Variants in UMODL1 observed in about 807,000 individuals in gnomAD.
UMODL1 encodes uromodulin like 1, also known as uromodulin-like 1.
In UMODL1, 128 loss-of-function variants were observed where a neutral mutation model predicts 136.3. The ratio of observed to expected loss-of-function variants is 0.94; its 90% CI spans 0.81 to 1.09. UMODL1 has a LOEUF of 1.09. Among genes scored for constraint, UMODL1 ranks in the 50% least tolerant of loss-of-function variants. UMODL1 has a pLI of 0.00. For missense variants in UMODL1, 1,766 were observed against 1,725.6 expected (o/e 1.02, Z -0.41); for synonymous variants, 721 against 720.0 (o/e 1.00, Z -0.02).
chr21:42,095,163 C>T (rs565909962), intron 6 of UMODL1, among the ~76,000 whole-genome samples: 23 of 132,404 alleles, frequency 1.7e-4, no homozygotes, highest in Admixed American at 3.6e-4. Context: ...GGCACAGTCT[C>T]GGCTCACTGC....
At chr21:42,069,591 G>T (rs2066212033), upstream of UMODL1, among the ~76,000 whole-genome samples, 2 of 152,066 alleles carry the variant, frequency 1.3e-5, no homozygotes, top group African/African-American at 4.8e-5. Context: ...TGGCCTTTCT[G>T]AACCTGTTTT....
intron 2 of UMODL1, among the ~76,000 whole-genome samples, chr21:42,081,773 G>A (rs1020823159): frequency 2.0e-5 from 3 of 152,162 alleles, no homozygotes; most frequent in African/African-American, 7.2e-5. Context: ...CTGACACTGG[G>A]CATTGTCGGG....
rs769851906 is a variant in UMODL1, at chr21:42,119,182, C to T, written c.2547C>T (p.Ser849=). 3.0e-5 allele frequency: 49 copies of T among 1,614,046 alleles called. No homozygotes were observed. The South Asian group carries it at 5.1e-4, about 17-fold the overall frequency. ...GTGGGGTCAGGATGGAAGTCGTCAGCGTCACCAACGGCAGCATCGTGGTGG... is the reference window on the plus strand; with the variant it reads ...GTGGGGTCAGGATGGAAGTCGTCAGTGTCACCAACGGCAGCATCGTGGTGG... The part of the protein sequence containing the change: ...DAGGVRMEVV[S]VTNGSIVVEF... The change falls in exon 15 of 23, where the codon AGC becomes AGT. Residue 849 remains serine, a synonymous_variant. Transcript: ENST00000408910.
intron 11 of UMODL1, 58 bp downstream of exon 11, chr21:42,111,179 C>T (rs562783574): frequency 6.4e-7 from 1 of 1,570,370 alleles, no homozygotes; most frequent in Non-Finnish European, 8.6e-7. Context: ...CCAGGTGAAC[C>T]CCAGCCAGGG....
rs780127952 is a variant in UMODL1, at chr21:42,137,526, C to A, written c.3863C>A (p.Ala1288Asp). The change falls in exon 22 of 23, where the codon GCC becomes GAC. Residue 1288 changes from alanine to aspartate, a missense_variant. By Grantham distance (126) the Ala-to-Asp change is moderately radical. Transcript: ENST00000408910. ...ATCTTCGTGCTGGTGGCGGGAACAG[C>A]CACCCTTCTGATCGTGCGCTACCAG... The part of the protein sequence containing the change: ...VAIFVLVAGT[A>D]TLLIVRYQRM... The A allele has an allele frequency of 6.2e-7, 1 of 1,614,100 alleles. No individual in the cohort carries two copies.
At chr21:42,121,473 T>G (rs2066971772) in intron 16 of UMODL1, among the ~76,000 whole-genome samples, 1 of 152,160 alleles carries the variant, frequency 6.6e-6, no homozygotes, top group Non-Finnish European at 1.5e-5. Context: ...GCCTTATCTC[T>G]CCAAGTGCTA....
At position 42,127,753 on chromosome 21, in the gene UMODL1, C is replaced by T; in HGVS notation, c.3612C>T (p.Ser1204=). The T allele has an allele frequency of 6.2e-7, 1 of 1,614,176 alleles. No individual in the cohort carries two copies. Among genetic ancestry groups the T allele is most frequent in the Non-Finnish European group, 8.5e-7 (1 of 1,180,024 alleles). ...NKAQFKLRIF[S]FINDSIVYLH... is the part of the protein sequence containing the mutation. ...CCCAGTTCAAGCTGAGGATCTTTTC[C>T]TTTATCAACGACTCCATCGTCTACC... The change falls in exon 20 of 23, where the codon TCC becomes TCT. Residue 1204 remains serine, a synonymous_variant. Coordinates refer to ENST00000408910, the MANE Select transcript of UMODL1 (RefSeq NM_001004416.3).
At position 42,123,796 on chromosome 21, in the gene UMODL1, T is replaced by C. The variant is rs1435151827; in HGVS notation, c.3147+646T>C. Among the ~76,000 whole-genome samples, 1 of 151,770 alleles carries C rather than the reference T, an allele frequency of 6.6e-6. No homozygotes were observed. The highest frequency in any genetic ancestry group is 1.5e-5 in the Non-Finnish European group (1 of 68,010). ...GCGTTTGTCCATGTGTGAGTGTGTA[T>C]GTATGGGTGTGTGTTTGGGGGGCAT... On this transcript the variant is annotated intron_variant, in intron 17 of 22. Coordinates refer to ENST00000408910, the MANE Select transcript of UMODL1 (RefSeq NM_001004416.3). This position sits in a 1 kb window ranked among gnomAD's most constrained non-coding sequence, Gnocchi z 4.4.
chr21:42,068,631 C>T (rs2066202543), upstream of UMODL1, among the ~76,000 whole-genome samples: 1 of 152,178 alleles, frequency 6.6e-6, no homozygotes, highest in Non-Finnish European at 1.5e-5. The surrounding 1 kb of genome is among the most constrained non-coding windows in gnomAD (Gnocchi z 5.5). Flanking sequence ...GCCCGGCAGC[C>T]GTTACCATGC....
At chr21:42,066,706 G>C (rs2066185799), upstream of UMODL1, among the ~76,000 whole-genome samples, 1 of 152,234 alleles carries the variant, frequency 6.6e-6, no homozygotes, top group African/African-American at 2.4e-5. Flanking sequence ...CCAGTGACCA[G>C]GTGGTTCTGG....
intron 1 of UMODL1, among the ~76,000 whole-genome samples, chr21:42,072,471 T>C (rs749077634): frequency 6.6e-6 from 1 of 152,162 alleles, no homozygotes; most frequent in Non-Finnish European, 1.5e-5. Flanking sequence ...ACCCCACAGT[T>C]CAGATGCATA....
chr21:42,126,368 G>A lies in UMODL1; in HGVS notation c.3171G>A (p.Arg1057=). The A allele has an allele frequency of 1.2e-6, 2 of 1,614,056 alleles. No individual in the cohort carries two copies. Among genetic ancestry groups the A allele is most frequent in the South Asian group, 2.2e-5 (2 of 91,078 alleles). The change falls in exon 18 of 23, where the codon AGG becomes AGA. Residue 1057 remains arginine (R), a synonymous_variant. Transcript: ENST00000408910. Reference sequence around the variant, plus strand: ...AGAACATGACGAACACCGTGGTGAGGACCACGCTGAGGAACGACCTGTCCC... The same window carrying A: ...AGAACATGACGAACACCGTGGTGAGAACCACGCTGAGGAACGACCTGTCCC... The part of the protein sequence containing the change: ...MQSNMTNTVV[R]TTLRNDLSQE...
chr21:42,116,172 C>CAAAAAAAAAAAAAAAAAA, intron 14 of UMODL1, among the ~76,000 whole-genome samples, 187 bp downstream of exon 14: 1 of 75,082 alleles, frequency 1.3e-5, no homozygotes, highest in Non-Finnish European at 2.3e-5. Flanking sequence ...CCATCTCCAC[C>CAAAAAAAAAAAAAAAAAA]AAAAAAAAAA....
intron 6 of UMODL1, among the ~76,000 whole-genome samples, chr21:42,093,067 G>A (rs1028479467): frequency 5.3e-5 from 8 of 152,344 alleles, no homozygotes; most frequent in Admixed American, 3.3e-4. Context: ...CAGGAAAACC[G>A]CCATGCCCTT....
At chr21:42,063,376 G>T (rs1175232187) in intron 1 of UMODL1, among the ~76,000 whole-genome samples, 3 of 152,204 alleles carry the variant, frequency 2.0e-5, no homozygotes, top group Non-Finnish European at 2.9e-5. Flanking sequence ...CTGGGTCGAG[G>T]CTGTCAACCT....
rs561030900 is a variant in UMODL1, at chr21:42,088,573, T to C, written c.790+93T>C. 67 of 1,310,304 alleles carry C rather than the reference T, an allele frequency of 5.1e-5. No homozygotes were observed. The East Asian group carries it at 1.4e-3, about 28-fold the overall frequency. The allele number at this position is 1,310,304 out of a possible 1,614,324, so 81.2% of individuals were successfully genotyped here. A position where few individuals can be genotyped will look rare whatever the true frequency, so the allele number is the denominator to read the frequency against. ...GTGGACGCTAAAGCCAGACCAGTCC[T>C]TTGTCTTTTAAAGGAGGTTTAAGTT... On this transcript the variant is annotated intron_variant, in intron 5 of 22. Transcript: ENST00000408910.
chr21:42,107,483 C>A (rs2066738298), intron 9 of UMODL1, among the ~76,000 whole-genome samples: 1 of 152,232 alleles, frequency 6.6e-6, no homozygotes, highest in Non-Finnish European at 1.5e-5. Flanking sequence ...AGTGAGGATC[C>A]TGGCCTAGGG....
intron 9 of UMODL1, among the ~76,000 whole-genome samples, chr21:42,109,314 ATG>A (rs2066780978): frequency 6.6e-6 from 1 of 152,206 alleles, no homozygotes; most frequent in Non-Finnish European, 1.5e-5. Flanking sequence ...ATGCACACCC[ATG>A]GGTGCTAATA....
chr21:42,083,855 AC>A (rs2066391735), intron 2 of UMODL1, among the ~76,000 whole-genome samples: 5 of 152,198 alleles, frequency 3.3e-5, no homozygotes, highest in Admixed American at 3.3e-4. Context: ...GACACCTAGG[AC>A]CCCAGCTGAA....
Sources: gnomAD v4.1 joint callset for allele counts (sites outside exome capture counted in the v4.1 genomes callset) on GRCh38, gnomAD v4.1.1 for gene constraint, Gnocchi (gnomAD v3.1) non-coding constraint, MANE v1.5 for transcripts, NCBI Gene and HGNC (gene_info 2026-07-23, HGNC 2026-07-21) for gene names.